The following MTBP variants were observed in gnomAD, a reference collection of about 807,000 sequenced individuals.
MTBP encodes mdm2-binding protein.
Under a neutral mutation model 117.0 loss-of-function variants are expected in MTBP, and 101 were observed. The observed-to-expected ratio is 0.86, with a 90% CI of 0.73 to 1.02. The LOEUF is 1.02. Ranked by LOEUF, MTBP falls within the 50% of genes least tolerant of loss-of-function variation. MTBP has a pLI of 0.00. For missense variants in MTBP, 970 were observed against 1,030.9 expected (o/e 0.94, Z 0.81); for synonymous variants, 350 against 351.5 (o/e 1.00, Z 0.05).
chr8:120,519,105 G>C (rs1028913235), intron 20 of MTBP, among the ~76,000 whole-genome samples: 2 of 150,562 alleles, frequency 1.3e-5, no homozygotes, highest in African/African-American at 4.9e-5. Flanking sequence ...TTTTAATACA[G>C]TTGGCCCTCC....
intron 11 of MTBP, among the ~76,000 whole-genome samples, chr8:120,475,972 C>T (rs956946760): frequency 1.3e-5 from 2 of 151,708 alleles, no homozygotes; most frequent in African/African-American, 2.4e-5. Flanking sequence ...CTTTAATTCT[C>T]GAAACAATAC....
In MTBP at chr8:120,505,833, G is replaced by T. The variant is rs948174419; in HGVS notation, c.1728-873G>T. Reference sequence around the variant, plus strand: ...CACTTGCCGGTATTTAAAACTTTCTGTGAGTTTTTTTTCATTTATAGGGTC... The same window carrying T: ...CACTTGCCGGTATTTAAAACTTTCTTTGAGTTTTTTTTCATTTATAGGGTC... On this transcript the variant is annotated intron_variant, in intron 15 of 21. Coordinates refer to ENST00000305949, the MANE Select transcript of MTBP (RefSeq NM_022045.5). 1.1e-4 allele frequency among the ~76,000 whole-genome samples: 16 copies of T among 152,174 alleles called. No homozygotes were observed. In the East Asian group the frequency reaches 2.7e-3, roughly 26 times the overall value.
In MTBP at chr8:120,517,815, A is replaced by G. The variant is rs748900701; in HGVS notation, c.2247-36A>G. ...AATGAACTTCGATGTTGATTCGCTT[A>G]ATCTACGTTCTTGATTTTTTTCCCC... On this transcript the variant is annotated intron_variant, in intron 18 of 21. Transcript: ENST00000305949. The G allele has an allele frequency of 8.9e-6, 14 of 1,577,936 alleles. No homozygotes were observed. In the East Asian group the frequency reaches 2.7e-4, roughly 30 times the overall value.
At chr8:120,458,329 A>G (rs1012174694) in intron 7 of MTBP, among the ~76,000 whole-genome samples, 5 of 152,176 alleles carry the variant, frequency 3.3e-5, no homozygotes, top group Non-Finnish European at 7.3e-5. Flanking sequence ...CTTCATCTGT[A>G]AGATGATGAT....
At chr8:120,515,713 A>G (rs1163963512) in intron 17 of MTBP, among the ~76,000 whole-genome samples, 1 of 152,058 alleles carries the variant, frequency 6.6e-6, no homozygotes, top group African/African-American at 2.4e-5. Flanking sequence ...ACACAAGTGA[A>G]AGACATTTTT....
intron 11 of MTBP, chr8:120,473,207 A>C (rs1224542508): frequency 6.6e-6 from 1 of 152,010 alleles, no homozygotes; most frequent in Admixed American, 6.6e-5. Context: ...CTTGGTTATT[A>C]ATTTGTTATT....
rs35918868 is a variant in MTBP at position 120,497,585 on chromosome 8, C to CTTA, written c.1609+31_1609+32insTTA. 199 of 1,328,034 alleles carry CTTA rather than the reference C, an allele frequency of 1.5e-4. 2 individuals carry two copies. In the African/African-American group the frequency reaches 2.7e-3, roughly 18 times the overall value. The allele number at this position is 1,328,034 out of a possible 1,614,324, so 82.3% of individuals were successfully genotyped here. ...TTTTTTATTACTTTAAATTTTAGTT[C>CTTA]GTGTGTGTGTGGCAACTATGACATT... On this transcript the variant is annotated intron_variant, in intron 14 of 21. Transcript: ENST00000305949.
intron 15 of MTBP, among the ~76,000 whole-genome samples, chr8:120,504,325 TC>T (rs1348393156): frequency 1.3e-5 from 2 of 152,180 alleles, no homozygotes; most frequent in African/African-American, 4.8e-5. Flanking sequence ...TTATTTTTCT[TC>T]CCTTTTTATC....
intron 14 of MTBP, among the ~76,000 whole-genome samples, chr8:120,502,052 T>G (rs1814597105): frequency 6.6e-6 from 1 of 152,212 alleles, no homozygotes; most frequent in African/African-American, 2.4e-5. Flanking sequence ...GTTTTGAGAA[T>G]AAGGTAATCT....
At position 120,488,617 on chromosome 8, in the gene MTBP, A is replaced by G. The variant is rs1056207689; in HGVS notation, c.1339+285A>G. ...AGTATTTTCCACTTTAAATACATAT[A>G]TTTTGCTATATTTCCCATTTTCATT... On this transcript the variant is annotated intron_variant, in intron 12 of 21. Coordinates refer to ENST00000305949, the MANE Select transcript of MTBP (RefSeq NM_022045.5). Among the ~76,000 whole-genome samples the G allele has an allele frequency of 2.4e-4, 37 of 152,052 alleles. 2 individuals carry two copies.
chr8:120,488,744 C>G (rs1394884611), intron 12 of MTBP, among the ~76,000 whole-genome samples: 1 of 152,092 alleles, frequency 6.6e-6, no homozygotes, highest in African/African-American at 2.4e-5. Context: ...CAAACTACCC[C>G]AAATTTGGCT....
rs781470000 is a variant in MTBP at position 120,522,710 on chromosome 8, T to C, written c.2667T>C (p.Asn889=). 3 of 1,603,606 alleles carry C rather than the reference T, an allele frequency of 1.9e-6. No individual in the cohort carries two copies. Among genetic ancestry groups the C allele is most frequent in the Non-Finnish European group, 1.7e-6 (2 of 1,173,742 alleles). ...FEEMKKTANN[N]AVQVIDWVLE... is the part of the protein sequence containing the mutation. Reference sequence around the variant, plus strand: ...AAATGAAGAAAACAGCAAACAACAATGCTGTACAGGTAAAGAAATTATTCC... The same window carrying C: ...AAATGAAGAAAACAGCAAACAACAACGCTGTACAGGTAAAGAAATTATTCC... Residue 889 remains asparagine (N), a synonymous_variant, in exon 21 of 22, where the codon AAT becomes AAC. Coordinates refer to ENST00000305949, the MANE Select transcript of MTBP (RefSeq NM_022045.5).
intron 11 of MTBP, among the ~76,000 whole-genome samples, chr8:120,475,691 C>T (rs1813918751): frequency 6.6e-6 from 1 of 151,758 alleles, no homozygotes; most frequent in African/African-American, 2.4e-5. Context: ...TATGATGATA[C>T]AGGAAAAATG....
chr8:120,484,248 A>G (rs1814162161), intron 11 of MTBP, among the ~76,000 whole-genome samples: 2 of 152,184 alleles, frequency 1.3e-5, no homozygotes, highest in African/African-American at 4.8e-5. Flanking sequence ...TTAATTTCTA[A>G]TAAAACTGGT....
chr8:120,480,871 T>TA (rs1814068520), intron 11 of MTBP, among the ~76,000 whole-genome samples: 1 of 152,158 alleles, frequency 6.6e-6, no homozygotes, highest in Non-Finnish European at 1.5e-5. Flanking sequence ...TCAAAATGCT[T>TA]ACTTTTTGAT....
Position 120,518,046 on chromosome 8 carries a change from T to A in MTBP, c.2442T>A (p.His814Gln). Residue 814 changes from histidine to glutamine, a missense_variant, in exon 19 of 22, where the codon CAT becomes CAA. Coordinates refer to ENST00000305949, the MANE Select transcript of MTBP (RefSeq NM_022045.5). ...TKTSSGQKSM[H>Q]ESKTSRQIKE... ...CCAGTTCAGGTCAAAAAAGTATGCA[T>A]GAATCAAAAACATCAAGGCAAATTA... 8 of 1,612,718 alleles carry A rather than the reference T, an allele frequency of 5.0e-6. No individual in the cohort carries two copies. The highest frequency in any genetic ancestry group is 5.9e-6 in the Non-Finnish European group (7 of 1,179,102).
chr8:120,468,333 A>G (rs974373937), intron 10 of MTBP, among the ~76,000 whole-genome samples: 18 of 152,228 alleles, frequency 1.2e-4, no homozygotes, highest in Middle Eastern at 3.2e-3. Flanking sequence ...AAGTCATTAT[A>G]ACTAGGCTCA....
chr8:120,521,071 G>A (rs142930477), intron 20 of MTBP, among the ~76,000 whole-genome samples: 158 of 152,198 alleles, frequency 1.0e-3, no homozygotes, highest in Non-Finnish European at 2.0e-3. Flanking sequence ...ACAAATTAGA[G>A]GAGGCTATGG....
rs57416610 is a variant in MTBP at position 120,460,605 on chromosome 8, C to T, written c.883-556C>T. On this transcript the variant is annotated intron_variant, in intron 8 of 21. Transcript: ENST00000305949. ...AGGCTTTACCCAAGAAATACAGTAC[C>T]GAAATTTTATTTTTTCTGAATGGAG... Among the ~76,000 whole-genome samples the T allele has an allele frequency of 2.3e-3, 344 of 152,144 alleles. 2 individuals carry two copies. The highest frequency in any genetic ancestry group is 7.9e-3 in the African/African-American group (328 of 41,514).
Sources: gnomAD v4.1 joint callset for allele counts (sites outside exome capture counted in the v4.1 genomes callset) on GRCh38, gnomAD v4.1.1 for gene constraint, MANE v1.5 for transcripts, NCBI Gene and HGNC (gene_info 2026-07-23, HGNC 2026-07-21) for gene names.